FCHO1: variants seen among roughly 807,000 people sequenced by gnomAD.
The protein encoded by FCHO1 is F-BAR domain only protein 1.
FCHO1 carries 45 observed loss-of-function variants against 114.4 expected under a neutral mutation model. The observed-to-expected ratio is 0.39, with a 90% CI of 0.31 to 0.50. FCHO1 has a LOEUF of 0.50. Ranked by LOEUF, FCHO1 falls within the 20% of genes least tolerant of loss-of-function variation. The pLI is 0.77. For missense variants in FCHO1, 1,042 were observed against 1,209.6 expected, an observed-to-expected ratio of 0.86 and a Z score of 2.06; for synonymous variants, 480 against 488.9, an observed-to-expected ratio of 0.98 and a Z score of 0.24.
At chr19:17,774,035 C>T (rs539645678) in intron 11 of FCHO1, among the ~76,000 whole-genome samples, 8 of 152,144 alleles carry the variant, frequency 5.3e-5, no homozygotes, top group Admixed American at 4.6e-4. Context: ...CTCAGCCTCC[C>T]CAGTAGCTGG....
intron 7 of FCHO1, among the ~76,000 whole-genome samples, chr19:17,768,149 A>ATCTC (rs2090063969): frequency 6.6e-6 from 1 of 152,082 alleles, no homozygotes; most frequent in Non-Finnish European, 1.5e-5. Flanking sequence ...GCTCACTGCA[A>ATCTC]TCTCCATCTC....
chr19:17,769,896 GC>G (rs1448862733), intron 7 of FCHO1, among the ~76,000 whole-genome samples: 5 of 152,102 alleles, frequency 3.3e-5, no homozygotes, highest in African/African-American at 1.2e-4. Flanking sequence ...GGGCGTAGTG[GC>G]TCACACCTGT....
rs778637267 is a variant in FCHO1 at position 17,762,800 on chromosome 19, C to T, written c.66C>T (p.Ser22=). The change falls in exon 5 of 29, where the codon AGC becomes AGT. Residue 22 remains serine (S), a synonymous_variant. Transcript: ENST00000596536. ...ATGGCTTTGAGGTCCTGTACCACAG[C>T]GTGAAGCAGGGGCCCATCTCCACCA... ...KNHGFEVLYH[S]VKQGPISTKE... 1.2e-6 allele frequency: 2 copies of T among 1,613,912 alleles called. No homozygotes were observed. Among genetic ancestry groups the T allele is most frequent in the African/African-American group, 1.3e-5 (1 of 74,918 alleles).
rs193192678 is a variant in FCHO1, at chr19:17,759,625, G to A, written c.28-3137G>A. 1.8e-4 allele frequency among the ~76,000 whole-genome samples: 28 copies of A among 152,092 alleles called. No individual in the cohort carries two copies. In the East Asian group the frequency reaches 5.0e-3, roughly 27 times the overall value. ...GGACCAGGTCTCCAAGGGGTGGAGA[G>A]AAGCGGGATCAGAAGGTGTGTATGA... On this transcript the variant is annotated intron_variant, in intron 4 of 28. Transcript: ENST00000596536.
chr19:17,784,883 G>T lies in FCHO1; in HGVS notation c.2385G>T (p.Gly795=). The T allele has an allele frequency of 6.2e-7, 1 of 1,613,390 alleles. No homozygotes were observed. The highest frequency in any genetic ancestry group is 8.5e-7 in the Non-Finnish European group (1 of 1,180,030). The change falls in exon 26 of 29, where the codon GGG becomes GGT. Residue 795 remains glycine, a synonymous_variant. Transcript: ENST00000596536. This position sits in a 1 kb window ranked among gnomAD's most constrained non-coding sequence, Gnocchi z 5.3. ...ACGTCCAGATCCTGCTGCCTGTGGGGGAGCCTGTGACCAACGTCCGCTTGC... is the reference window on the plus strand; with the variant it reads ...ACGTCCAGATCCTGCTGCCTGTGGGTGAGCCTGTGACCAACGTCCGCTTGC... ...LTNVQILLPV[G]EPVTNVRLQP... is the part of the protein sequence containing the mutation.
chr19:17,761,401 C>CTTT (rs11452853), intron 4 of FCHO1, among the ~76,000 whole-genome samples: 2 of 145,720 alleles, frequency 1.4e-5, no homozygotes, highest in Admixed American at 6.9e-5. Flanking sequence ...ATTTAACACA[C>CTTT]TTTTTTTTTT....
chr19:17,773,643 C>G (rs117639983), intron 11 of FCHO1, among the ~76,000 whole-genome samples: 1 of 152,146 alleles, frequency 6.6e-6, no homozygotes, highest in African/African-American at 2.4e-5. Context: ...GTCCATTCCC[C>G]GACCCAACCC....
intron 24 of FCHO1, 31 bp downstream of exon 24, chr19:17,783,203 C>T (rs749039396): frequency 1.7e-5 from 27 of 1,603,048 alleles, no homozygotes; most frequent in South Asian, 9.9e-5. Context: ...GAGAGGGCCT[C>T]GGAGGCTGCT....
intron 4 of FCHO1, among the ~76,000 whole-genome samples, chr19:17,760,342 C>T (rs529538680): frequency 2.6e-5 from 4 of 152,074 alleles, no homozygotes; most frequent in African/African-American, 4.8e-5. Context: ...TGAGGCACCG[C>T]GCCCGGCCTG....
Position 17,788,133 on chromosome 19 carries a change from G to A in FCHO1, c.2648-151G>A, listed in dbSNP as rs989456072. 4.1e-6 allele frequency: 3 copies of A among 735,772 alleles called. No individual in the cohort carries two copies. In the South Asian group the frequency reaches 4.5e-5, roughly 11 times the overall value. The allele number at this position is 735,772 out of a possible 1,614,324, so 45.6% of individuals were successfully genotyped here. A position where few individuals can be genotyped will look rare whatever the true frequency, so the allele number is the denominator to read the frequency against. On this transcript the variant is annotated intron_variant, in intron 28 of 28. Transcript: ENST00000596536. ...CCCTGTTCTCCTGCCCCCAACAAGG[G>A]GCTCCTGGGGCCCAGTGGCAACAGG...
rs891009555 is a variant in FCHO1, at chr19:17,776,990, G to T, written c.1259+304G>T. ...CTTTTGTATTTTTAGTAGAGACAGG[G>T]TTTCACCATGTTGGCCCGGCTGGTC... is the stretch of plus-strand genomic sequence containing the variant. On this transcript the variant is annotated intron_variant, in intron 18 of 28. Transcript: ENST00000596536. This position sits in a 1 kb window ranked among gnomAD's most constrained non-coding sequence, Gnocchi z 4.4. 6.6e-6 allele frequency among the ~76,000 whole-genome samples: 1 copy of T among 151,736 alleles called. No individual in the cohort carries two copies. Among genetic ancestry groups the T allele is most frequent in the African/African-American group, 2.4e-5 (1 of 41,324 alleles).
At position 17,781,706 on chromosome 19, in the gene FCHO1, C is replaced by T. The variant is rs1292314403; in HGVS notation, c.1829-6C>T. 6.3e-7 allele frequency: 1 copy of T among 1,596,988 alleles called. No individual in the cohort carries two copies. Among genetic ancestry groups the T allele is most frequent in the Non-Finnish European group, 8.5e-7 (1 of 1,170,910 alleles). On this transcript the variant is annotated splice_region_variant and splice_polypyrimidine_tract_variant and intron_variant, in intron 22 of 28. Transcript: ENST00000596536. ...TTGTTCCCCATTCCCTCTCCACCAC[C>T]CCCAGGAGTCTCCCGGGGTCCGAGC...
At chr19:17,768,810 C>G (rs949228450) in intron 7 of FCHO1, among the ~76,000 whole-genome samples, 2 of 151,730 alleles carry the variant, frequency 1.3e-5, no homozygotes, top group Admixed American at 6.6e-5. Flanking sequence ...GTTGGCATTA[C>G]AGGCATGGGT....
At chr19:17,770,110 G>C (rs2091025255) in intron 7 of FCHO1, among the ~76,000 whole-genome samples, 2 of 152,056 alleles carry the variant, frequency 1.3e-5, no homozygotes, top group African/African-American at 4.8e-5. Flanking sequence ...GACCAGCCTG[G>C]CCAACATGGT....
chr19:17,778,114 C>T (rs1273824110), intron 18 of FCHO1, 23 bp from the exon 19 acceptor site: 2 of 1,583,304 alleles, frequency 1.3e-6, no homozygotes, highest in Non-Finnish European at 8.7e-7. Context: ...TAGAAGCAGC[C>T]CTCTTGGCCT....
rs370950809 is a variant in FCHO1 at position 17,786,619 on chromosome 19, C to A, written c.2472C>A (p.Ser824=). The change falls in exon 27 of 29, where the codon TCC becomes TCA. Residue 824 remains serine, a synonymous_variant. Coordinates refer to ENST00000596536, the MANE Select transcript of FCHO1 (RefSeq NM_015122.3). ...KRLTWRLPDV[S]EAGGSGRLSA... ...TCACTTGGAGGCTTCCAGATGTGTC[C>A]GAGGCAGGCGGTGAGCTGTGGTTGT... The A allele has an allele frequency of 7.5e-7, 1 of 1,327,834 alleles. No individual in the cohort carries two copies. The highest frequency in any genetic ancestry group is 9.9e-7 in the Non-Finnish European group (1 of 1,009,212). 82.3% of individuals were successfully genotyped at this position (1,327,834 alleles called of 1,614,324 possible). A position where few individuals can be genotyped will look rare whatever the true frequency, so the allele number is the denominator to read the frequency against.
intron 11 of FCHO1, among the ~76,000 whole-genome samples, chr19:17,774,038 G>A (rs2092231245): frequency 6.6e-6 from 1 of 152,028 alleles, no homozygotes; most frequent in South Asian, 2.1e-4. Context: ...AGCCTCCCCA[G>A]TAGCTGGGAT....
chr19:17,784,905 T>C lies in FCHO1; in HGVS notation c.2407T>C (p.Leu803=), dbSNP rs1412410693. The stretch of plus-strand genomic sequence containing the variant: ...GGGGGAGCCTGTGACCAACGTCCGC[T>C]TGCAGCCGGCTGCCACCTGGTGAGG... ...PVGEPVTNVR[L]QPAATWNLEE... Residue 803 remains leucine, a synonymous_variant, in exon 26 of 29, where the codon TTG becomes CTG. Transcript: ENST00000596536. The surrounding 1 kb of genome is among the most constrained non-coding windows in gnomAD (Gnocchi z 5.3). 2 of 1,612,186 alleles carry C rather than the reference T, an allele frequency of 1.2e-6. No individual in the cohort carries two copies. The highest frequency in any genetic ancestry group is 3.3e-5 in the Admixed American group (2 of 60,022).
intron 4 of FCHO1, among the ~76,000 whole-genome samples, chr19:17,757,569 C>T (rs866281044): frequency 6.6e-6 from 1 of 152,140 alleles, no homozygotes; most frequent in Non-Finnish European, 1.5e-5. Context: ...TGACCCTGTA[C>T]GTATAAGGAG....
Sources: allele counts gnomAD v4.1 joint callset (sites outside exome capture counted in the v4.1 genomes callset), GRCh38; gene constraint gnomAD v4.1.1; non-coding constraint Gnocchi (gnomAD v3.1); transcripts MANE v1.5; gene names NCBI Gene and HGNC (gene_info 2026-07-23, HGNC 2026-07-21).